Variants in DLGAP2 observed in about 807,000 individuals in gnomAD.
DLGAP2 encodes DLG associated protein 2.
DLGAP2 carries 26 observed loss-of-function variants against 100.3 expected under a neutral mutation model. The ratio of observed to expected loss-of-function variants is 0.26; its 90% CI spans 0.19 to 0.36. The LOEUF (loss-of-function observed/expected upper bound fraction) is 0.36. Among genes scored for constraint, DLGAP2 ranks in the 10% least tolerant of loss-of-function variants. The pLI is 1.00. For missense variants in DLGAP2, 1,858 were observed against 1,453.2 expected (o/e 1.28, Z -4.53); for synonymous variants, 886 against 630.1 (o/e 1.41, Z -6.08).
chr8:1,423,057 G>A (rs546495510), intron 3 of DLGAP2, among the ~76,000 whole-genome samples: 1 of 152,314 alleles, frequency 6.6e-6, no homozygotes, highest in Non-Finnish European at 1.5e-5. Context: ...CAAAACAAAG[G>A]TGAAAATGTT....
chr8:1,412,341 C>T (rs1796754431), intron 3 of DLGAP2, among the ~76,000 whole-genome samples: 1 of 152,218 alleles, frequency 6.6e-6, no homozygotes, highest in Non-Finnish European at 1.5e-5. Flanking sequence ...CTCCCTGTCT[C>T]CCGGGCTCTT....
In DLGAP2 at chr8:1,052,751, G is replaced by A. The variant is rs148395997; in HGVS notation, c.73+144785G>A. ...ACAGGGAGGGGTTTTCTAGGGGCTC[G>A]GTTACACACACTGGACTTGTTTTTA... On this transcript the variant is annotated intron_variant, in intron 2 of 14. Coordinates refer to ENST00000637795, the MANE Select transcript of DLGAP2 (RefSeq NM_001346810.2). Among the ~76,000 whole-genome samples, 647 of 152,202 alleles carry A rather than the reference G, an allele frequency of 4.3e-3. 5 individuals carry two copies. Among genetic ancestry groups the A allele is most frequent in the African/African-American group, 0.015 (604 of 41,526 alleles).
chr8:1,269,304 C>T (rs1283131043), intron 3 of DLGAP2, among the ~76,000 whole-genome samples: 2 of 152,172 alleles, frequency 1.3e-5, no homozygotes, highest in African/African-American at 2.4e-5. Flanking sequence ...CCTGGAGCTC[C>T]CAGCCTGCAG....
Position 1,469,335 on chromosome 8 carries a change from G to A in DLGAP2, c.107-32031G>A, listed in dbSNP as rs78605974. Among the ~76,000 whole-genome samples the A allele has an allele frequency of 4.3e-3, 661 of 152,314 alleles. 8 individuals are homozygous for A. The highest frequency in any genetic ancestry group is 0.015 in the African/African-American group (629 of 41,584). On this transcript the variant is annotated intron_variant, in intron 3 of 14. Transcript: ENST00000637795. Reference sequence around the variant, plus strand: ...AGCTGCTCCCTGCCCAGCAGGCCCCGTACGAGAGCGAAGCGGGCTTTATTC... The same window carrying A: ...AGCTGCTCCCTGCCCAGCAGGCCCCATACGAGAGCGAAGCGGGCTTTATTC...
intron 3 of DLGAP2, among the ~76,000 whole-genome samples, chr8:1,485,509 C>G (rs1799213877): frequency 6.6e-6 from 1 of 152,238 alleles, no homozygotes; most frequent in Non-Finnish European, 1.5e-5. Context: ...ATTTTTATAG[C>G]AGACGCGGTT....
intron 10 of DLGAP2, among the ~76,000 whole-genome samples, chr8:1,675,155 C>G (rs1374057746): frequency 6.6e-6 from 1 of 152,262 alleles, no homozygotes; most frequent in Admixed American, 6.5e-5. Flanking sequence ...CGCCTGTCTT[C>G]AGAATTACAC....
intron 3 of DLGAP2, among the ~76,000 whole-genome samples, chr8:1,491,809 G>GA (rs1799399114): frequency 6.6e-6 from 1 of 152,138 alleles, no homozygotes; most frequent in South Asian, 2.1e-4. Context: ...TCCGAGTCCA[G>GA]AAAAAATGCA....
intron 1 of DLGAP2, among the ~76,000 whole-genome samples, chr8:888,850 C>T (rs748659550): frequency 8.6e-5 from 13 of 151,998 alleles, no homozygotes; most frequent in East Asian, 1.9e-4. Flanking sequence ...AGGGTCTCAC[C>T]GAGTTGGGTT....
intron 3 of DLGAP2, among the ~76,000 whole-genome samples, chr8:1,410,632 C>G (rs1336579269): frequency 5.3e-5 from 8 of 152,166 alleles, no homozygotes; most frequent in Admixed American, 4.6e-4. Context: ...CCTGGGGGAG[C>G]TTGTAAGTAT....
At chr8:810,400 T>C (rs1796349802) in intron 1 of DLGAP2, among the ~76,000 whole-genome samples, 1 of 152,248 alleles carries the variant, frequency 6.6e-6, no homozygotes, top group Admixed American at 6.5e-5. Flanking sequence ...TTTATGCTTG[T>C]GGCAATACAG....
chr8:1,098,761 G>C (rs560346800), intron 2 of DLGAP2, among the ~76,000 whole-genome samples: 2 of 105,448 alleles, frequency 1.9e-5, no homozygotes, highest in Non-Finnish European at 2.1e-5. Flanking sequence ...CCGCCCACGG[G>C]CGCCGCCACC....
chr8:1,623,188 C>G (rs1563263120), intron 6 of DLGAP2, among the ~76,000 whole-genome samples: 3 of 152,238 alleles, frequency 2.0e-5, no homozygotes, highest in Admixed American at 2.0e-4. Context: ...TCCTATGACT[C>G]AGCATCTTGA....
At chr8:893,477 C>T (rs181753100) in intron 1 of DLGAP2, among the ~76,000 whole-genome samples, 113 of 152,326 alleles carry the variant, frequency 7.4e-4, no homozygotes, top group African/African-American at 2.6e-3. Context: ...CAAATATGCA[C>T]CCTTGTCTGC....
chr8:1,139,057 A>C (rs1428886480), intron 2 of DLGAP2, among the ~76,000 whole-genome samples: 1 of 152,220 alleles, frequency 6.6e-6, no homozygotes, highest in Non-Finnish European at 1.5e-5. Context: ...GGAACTTTTG[A>C]AATTGCTCTG....
intron 2 of DLGAP2, among the ~76,000 whole-genome samples, chr8:912,304 G>A (rs1284474885): frequency 6.6e-6 from 1 of 152,202 alleles, no homozygotes; most frequent in African/African-American, 2.4e-5. Flanking sequence ...AACAGGTTAT[G>A]TATAAAAGTT....
At chr8:838,706 C>T (rs1244111916) in intron 1 of DLGAP2, among the ~76,000 whole-genome samples, 1 of 152,072 alleles carries the variant, frequency 6.6e-6, no homozygotes, top group Non-Finnish European at 1.5e-5. Flanking sequence ...TTACTGCAAA[C>T]AGGGATCCCT....
intron 6 of DLGAP2, among the ~76,000 whole-genome samples, chr8:1,576,354 G>T (rs1802977817): frequency 6.6e-6 from 1 of 152,232 alleles, no homozygotes; most frequent in African/African-American, 2.4e-5. Context: ...GTTCTTTGTA[G>T]ATTCTGGATA....
rs370596346 is a variant in DLGAP2, at chr8:921,590, C to G, written c.73+13624C>G. Among the ~76,000 whole-genome samples the G allele has an allele frequency of 7.2e-5, 11 of 152,244 alleles. No individual in the cohort carries two copies. The East Asian group carries it at 2.1e-3, about 29-fold the overall frequency. On this transcript the variant is annotated intron_variant, in intron 2 of 14. Transcript: ENST00000637795. The stretch of plus-strand genomic sequence containing the variant: ...CCCATAGACAGTCTGTGGGATTGTC[C>G]TGGTCCCGTGTCCCTTCTGCCTGGA...
At chr8:1,390,990 G>A (rs1005618863) in intron 3 of DLGAP2, among the ~76,000 whole-genome samples, 1 of 152,200 alleles carries the variant, frequency 6.6e-6, no homozygotes, top group Non-Finnish European at 1.5e-5. Context: ...CTGGCAGGAC[G>A]AAGGGGCAGC....
Sources: gnomAD v4.1 joint callset for allele counts (sites outside exome capture counted in the v4.1 genomes callset) on GRCh38, gnomAD v4.1.1 for gene constraint, MANE v1.5 for transcripts, NCBI Gene and HGNC (gene_info 2026-07-23, HGNC 2026-07-21) for gene names.